Variants in SGCZ observed in about 807,000 individuals in gnomAD.
The protein encoded by SGCZ is sarcoglycan zeta, also known as zeta-sarcoglycan.
SGCZ carries 40 observed loss-of-function variants against 41.3 expected under a neutral mutation model. The observed-to-expected ratio is 0.97, with a 90% confidence interval of 0.75 to 1.26. The LOEUF (loss-of-function observed/expected upper bound fraction) is 1.26. Ranked by LOEUF, SGCZ falls within the 50% of genes most tolerant of loss-of-function variation. SGCZ has a pLI of 0.00. For missense variants in SGCZ, 552 were observed against 369.8 expected (o/e 1.49, Z -4.04); for synonymous variants, 206 against 137.5 (o/e 1.50, Z -3.49).
intron 1 of SGCZ, among the ~76,000 whole-genome samples, chr8:14,864,419 T>C (rs754877691): frequency 2.0e-5 from 3 of 152,120 alleles, no homozygotes; most frequent in Non-Finnish European, 4.4e-5. Flanking sequence ...CTGTCAGTAA[T>C]TTAGTCAACT....
intron 1 of SGCZ, among the ~76,000 whole-genome samples, chr8:15,037,425 C>T (rs569754948): frequency 3.3e-5 from 5 of 152,292 alleles, no homozygotes; most frequent in Non-Finnish European, 5.9e-5. Flanking sequence ...GTCAATTAAA[C>T]TTCTTTCATG....
chr8:14,567,167 G>A (rs969583709), intron 1 of SGCZ, among the ~76,000 whole-genome samples: 11 of 152,152 alleles, frequency 7.2e-5, no homozygotes, highest in East Asian at 1.9e-4. Context: ...CCAGGGAGTC[G>A]CCCCCTGCTC....
intron 1 of SGCZ, among the ~76,000 whole-genome samples, chr8:14,841,756 A>T (rs1802923442): frequency 6.6e-6 from 1 of 152,170 alleles, no homozygotes; most frequent in African/African-American, 2.4e-5. Context: ...ATAAAATCAC[A>T]GAATATTAAG....
At chr8:14,476,189 G>A (rs192801569) in intron 2 of SGCZ, among the ~76,000 whole-genome samples, 1 of 152,244 alleles carries the variant, frequency 6.6e-6, no homozygotes, top group African/African-American at 2.4e-5. Context: ...GAGTGTTTCT[G>A]TATTAGCATT....
intron 1 of SGCZ, among the ~76,000 whole-genome samples, chr8:15,221,454 C>T (rs1801599718): frequency 6.6e-6 from 1 of 152,156 alleles, no homozygotes; most frequent in African/African-American, 2.4e-5. Flanking sequence ...CAGCTGTGTA[C>T]CGCACTTGGT....
chr8:14,316,254 C>T (rs1801711370), intron 3 of SGCZ, among the ~76,000 whole-genome samples: 1 of 151,892 alleles, frequency 6.6e-6, no homozygotes, highest in Admixed American at 6.6e-5. Flanking sequence ...AAACCTAGAA[C>T]TGAGCATATG....
intron 1 of SGCZ, among the ~76,000 whole-genome samples, chr8:14,647,318 T>C (rs1001171105): frequency 4.6e-5 from 7 of 152,004 alleles, no homozygotes; most frequent in African/African-American, 1.7e-4. Flanking sequence ...TTTACTGATA[T>C]ATCAAAATAT....
intron 1 of SGCZ, among the ~76,000 whole-genome samples, chr8:14,688,534 G>A (rs4592031): frequency 0.39 from 58,451 of 151,164 alleles, 13,444 homozygotes; most frequent in Non-Finnish European, 0.53. Context: ...TGAGGGCTCT[G>A]TTCTGTTCCA....
intron 1 of SGCZ, among the ~76,000 whole-genome samples, chr8:15,182,430 G>C (rs1800205790): frequency 1.3e-5 from 2 of 152,026 alleles, no homozygotes; most frequent in South Asian, 4.1e-4. Context: ...ACATACCAAA[G>C]AATAAATGGT....
intron 3 of SGCZ, among the ~76,000 whole-genome samples, chr8:14,270,391 G>T (rs958447797): frequency 2.0e-5 from 3 of 151,960 alleles, no homozygotes; most frequent in Non-Finnish European, 4.4e-5. Flanking sequence ...TACACTTAAG[G>T]TTTTTTCAGC....
intron 1 of SGCZ, among the ~76,000 whole-genome samples, chr8:14,730,761 G>T (rs1300602827): frequency 6.6e-6 from 1 of 151,666 alleles, no homozygotes; most frequent in East Asian, 1.9e-4. Context: ...ACAAATCTAT[G>T]TTAAATTGGA....
At chr8:14,382,427 AC>A (rs113304141) in intron 2 of SGCZ, among the ~76,000 whole-genome samples, 4,047 of 151,954 alleles carry the variant, frequency 0.027, 156 homozygotes, top group African/African-American at 0.09. Context: ...TTAAAAAAAA[AC>A]ACAATACCAT....
At chr8:14,708,192 T>C (rs1459184148) in intron 1 of SGCZ, among the ~76,000 whole-genome samples, 2 of 152,000 alleles carry the variant, frequency 1.3e-5, no homozygotes, top group Non-Finnish European at 2.9e-5. Context: ...TCTACAATAA[T>C]TTTTAAATTA....
At chr8:14,556,906 A>AT (rs965109586) in intron 1 of SGCZ, among the ~76,000 whole-genome samples, 11 of 151,854 alleles carry the variant, frequency 7.2e-5, no homozygotes, top group East Asian at 5.8e-4. Context: ...AAAGTGAAGT[A>AT]TTTTTTTTGT....
At chr8:14,250,016 A>G (rs1799232447) in intron 3 of SGCZ, among the ~76,000 whole-genome samples, 1 of 152,232 alleles carries the variant, frequency 6.6e-6, no homozygotes, top group Non-Finnish European at 1.5e-5. Context: ...TCAATAATGT[A>G]CATACAAATC....
intron 2 of SGCZ, among the ~76,000 whole-genome samples, chr8:14,387,548 GTTA>G (rs926346381): frequency 3.4e-4 from 52 of 152,148 alleles, no homozygotes; most frequent in Non-Finnish European, 2.4e-4. Flanking sequence ...TGTTGCAAGA[GTTA>G]TTATTCTGCT....
intron 2 of SGCZ, among the ~76,000 whole-genome samples, chr8:14,553,966 A>G (rs573127565): frequency 1.0e-3 from 154 of 152,228 alleles, no homozygotes; most frequent in Non-Finnish European, 1.7e-3. Context: ...AAAGCAGAGT[A>G]GAGAAACTGA....
intron 3 of SGCZ, among the ~76,000 whole-genome samples, chr8:14,318,513 G>C (rs1487495967): frequency 2.0e-5 from 3 of 151,906 alleles, no homozygotes; most frequent in East Asian, 1.9e-4. Flanking sequence ...TGAAAGTCAA[G>C]CCCAGATAAA....
chr8:14,389,820 T>G (rs1049313417), intron 2 of SGCZ, among the ~76,000 whole-genome samples: 2 of 152,066 alleles, frequency 1.3e-5, no homozygotes, highest in African/African-American at 4.8e-5. Flanking sequence ...ATGTGTTTGT[T>G]ATTGTTGTCT....
Sources: gnomAD v4.1 joint callset for allele counts (sites outside exome capture counted in the v4.1 genomes callset) on GRCh38, gnomAD v4.1.1 for gene constraint, MANE v1.5 for transcripts, NCBI Gene and HGNC (gene_info 2026-07-23, HGNC 2026-07-21) for gene names.